The following LRIG1 variants were observed in gnomAD, a reference collection of about 807,000 sequenced individuals.
LRIG1 encodes leucine rich repeats and immunoglobulin like domains 1, also known as leucine-rich repeats and immunoglobulin-like domains protein 1.
Under a neutral mutation model 99.2 loss-of-function variants are expected in LRIG1, and 48 were observed. The observed-to-expected ratio is 0.48, with a 90% CI of 0.38 to 0.62. The LOEUF is 0.62. Among genes scored for constraint, LRIG1 ranks in the 20% least tolerant of loss-of-function variants. The probability of loss-of-function intolerance (pLI) is 0.00; values close to 1 mark genes in which losing one functional copy is unlikely to be tolerated. For synonymous variants in LRIG1, 772 were observed against 596.1 expected (o/e 1.29, Z -4.30); for missense variants, 1,646 against 1,434.4 (o/e 1.15, Z -2.38).
In LRIG1 at chr3:66,384,044, G is replaced by C. The variant is rs1183493945; in HGVS notation, c.2018C>G (p.Thr673Ser). 1.5e-5 allele frequency: 25 copies of C among 1,613,922 alleles called. No individual in the cohort carries two copies. The highest frequency in any genetic ancestry group is 1.0e-4 in the Admixed American group (6 of 59,988). Residue 673 changes from threonine (T) to serine (S), a missense_variant, in exon 14 of 19, where the codon ACT becomes AGT. Transcript: ENST00000273261. Reference protein sequence around the residue: ...KIDDAGVYSCTAQNSAGSISA... With the variant: ...KIDDAGVYSCSAQNSAGSISA... ...AATAGAACCGGCTGAGTTCTGAGCA[G>C]TACAGCTGTAAACCCCTGCGTCATC...
At chr3:66,405,088 T>C in intron 9 of LRIG1, 110 bp downstream of exon 9, 1 of 910,082 alleles carries the variant, frequency 1.1e-6, no homozygotes, top group Non-Finnish European at 1.7e-6. Flanking sequence ...AGCCAGCTCC[T>C]CTTCCGCCTG....
At chr3:66,382,471 G>A (rs1185823907) in intron 15 of LRIG1, 73 bp from the exon 16 acceptor site, 6 of 1,558,998 alleles carry the variant, frequency 3.8e-6, no homozygotes, top group Non-Finnish European at 4.4e-6. Flanking sequence ...TCACTGTCAA[G>A]CTCAGAAAGG....
chr3:66,436,384 G>A (rs2106760986), intron 3 of LRIG1, among the ~76,000 whole-genome samples: 1 of 152,316 alleles, frequency 6.6e-6, no homozygotes, highest in South Asian at 2.1e-4. Flanking sequence ...GACTCCCTCA[G>A]CAGGTCAGCA....
chr3:66,475,146 G>A (rs1700691801), intron 1 of LRIG1, among the ~76,000 whole-genome samples: 1 of 152,200 alleles, frequency 6.6e-6, no homozygotes, highest in Non-Finnish European at 1.5e-5. Context: ...CCTAACACTT[G>A]CTATATAACG....
intron 3 of LRIG1, among the ~76,000 whole-genome samples, chr3:66,449,399 T>G (rs1458720709): frequency 6.6e-6 from 1 of 152,222 alleles, no homozygotes; most frequent in African/African-American, 2.4e-5. Context: ...AGTGCTAACC[T>G]GCATTTTCCA....
At chr3:66,413,841 A>C in intron 5 of LRIG1, among the ~76,000 whole-genome samples, 1 of 152,200 alleles carries the variant, frequency 6.6e-6, no homozygotes, top group East Asian at 1.9e-4. Flanking sequence ...CCCAGGTAGG[A>C]TGAGAGCCAG....
chr3:66,417,309 AAAGT>A, intron 3 of LRIG1, 43 bp from the exon 4 acceptor site: 1 of 1,594,702 alleles, frequency 6.3e-7, no homozygotes, highest in South Asian at 1.1e-5. Flanking sequence ...CTCTTTTTGC[AAAGT>A]AACTACAAGA....
intron 1 of LRIG1, among the ~76,000 whole-genome samples, chr3:66,487,042 A>G (rs1700990539): frequency 6.6e-6 from 1 of 152,312 alleles, no homozygotes; most frequent in Non-Finnish European, 1.5e-5. Context: ...TCTTCTAACA[A>G]TAACTCCACG....
chr3:66,455,669 G>C (rs549816966), intron 2 of LRIG1, among the ~76,000 whole-genome samples: 2 of 152,290 alleles, frequency 1.3e-5, no homozygotes, highest in Admixed American at 1.3e-4. Context: ...CGTTGAAACT[G>C]TAGTTGGTTT....
At chr3:66,496,847 C>T (rs1701238809) in intron 1 of LRIG1, among the ~76,000 whole-genome samples, 1 of 152,232 alleles carries the variant, frequency 6.6e-6, no homozygotes, top group South Asian at 2.1e-4. Context: ...CCTTAATTCA[C>T]AACACCCTGC....
intron 9 of LRIG1, 137 bp from the exon 10 acceptor site, chr3:66,399,178 G>A: frequency 1.4e-6 from 1 of 707,030 alleles, no homozygotes; most frequent in Non-Finnish European, 2.5e-6. Flanking sequence ...AGGGGCAGGT[G>A]GAAAGCTGAC....
chr3:66,434,830 G>A (rs943713297), intron 3 of LRIG1, among the ~76,000 whole-genome samples: 5 of 151,234 alleles, frequency 3.3e-5, no homozygotes, highest in East Asian at 1.9e-4. Context: ...ATACACTGCC[G>A]GTAGAAATGT....
intron 12 of LRIG1, chr3:66,387,386 G>C (rs947375690): frequency 1.3e-5 from 2 of 152,004 alleles, no homozygotes; most frequent in Non-Finnish European, 2.9e-5. Context: ...GGAAGTGATG[G>C]CACACCCCAA....
chr3:66,487,593 CACACACAT>C (rs767255501), intron 1 of LRIG1, among the ~76,000 whole-genome samples: 1 of 152,186 alleles, frequency 6.6e-6, no homozygotes, highest in African/African-American at 2.4e-5. Flanking sequence ...GAAACACACA[CACACACAT>C]ACACACATAC....
chr3:66,476,214 T>C (rs942798006), intron 1 of LRIG1, among the ~76,000 whole-genome samples: 4 of 152,166 alleles, frequency 2.6e-5, no homozygotes, highest in African/African-American at 9.7e-5. Context: ...GTAAAGTAAA[T>C]GAACCCCAAG....
chr3:66,461,812 T>C (rs1380298055), intron 2 of LRIG1, among the ~76,000 whole-genome samples: 1 of 152,188 alleles, frequency 6.6e-6, no homozygotes, highest in Non-Finnish European at 1.5e-5. Flanking sequence ...CAGCCTGATT[T>C]CCAAGACACT....
chr3:66,380,764 G>A lies in LRIG1; in HGVS notation c.2868C>T (p.Ser956=), dbSNP rs775283566. 2.2e-5 allele frequency: 35 copies of A among 1,614,092 alleles called. No individual in the cohort carries two copies. Among genetic ancestry groups the A allele is most frequent in the Middle Eastern group, 3.3e-4 (2 of 6,084 alleles). Residue 956 remains serine (S), a synonymous_variant, in exon 18 of 19, where the codon AGC becomes AGT. Transcript: ENST00000273261. ...AFHPQPVSRD[S]AQPSAPNGPE... Reference sequence around the variant, plus strand: ...GGCCATTTGGCGCACTTGGCTGTGCGCTGTCTCTGGACACAGGCTGGGGGT... The same window carrying A: ...GGCCATTTGGCGCACTTGGCTGTGCACTGTCTCTGGACACAGGCTGGGGGT...
At chr3:66,411,964 C>T (rs1454648929) in intron 6 of LRIG1, among the ~76,000 whole-genome samples, 1 of 150,502 alleles carries the variant, frequency 6.6e-6, no homozygotes, top group Non-Finnish European at 1.5e-5. Context: ...CTGGGGTGGG[C>T]AGTGATGGCT....
chr3:66,441,204 C>A (rs1703527293), intron 3 of LRIG1, among the ~76,000 whole-genome samples: 1 of 152,138 alleles, frequency 6.6e-6, no homozygotes. Context: ...ATTTCACCTC[C>A]TGGTTGATGA....
Sources: allele counts gnomAD v4.1 joint callset (sites outside exome capture counted in the v4.1 genomes callset), GRCh38; gene constraint gnomAD v4.1.1; transcripts MANE v1.5; gene names NCBI Gene and HGNC (gene_info 2026-07-23, HGNC 2026-07-21).